Variants in DENND2A observed in about 807,000 individuals in gnomAD.
DENND2A encodes the protein DENN domain-containing protein 2A.
Under a neutral mutation model 105.3 loss-of-function variants are expected in DENND2A, and 53 were observed. That is an observed-to-expected ratio of 0.50 (90% CI 0.40 to 0.63). The LOEUF (loss-of-function observed/expected upper bound fraction) is 0.63, where lower values mean the gene tolerates loss of function less well. DENND2A is among the 30% of genes least tolerant of loss of function. The pLI, the probability that DENND2A is intolerant of heterozygous loss-of-function variation, is 0.00. For synonymous variants in DENND2A, 522 were observed against 508.4 expected, an observed-to-expected ratio of 1.03 and a Z score of -0.36; for missense variants, 1,138 against 1,279.6, an observed-to-expected ratio of 0.89 and a Z score of 1.69.
In DENND2A at chr7:140,563,553, T is replaced by G. The variant is rs376166859; in HGVS notation, c.1779+3533A>C. On this transcript the variant is annotated intron_variant, in intron 9 of 19. Coordinates refer to ENST00000496613, the MANE Select transcript of DENND2A (RefSeq NM_015689.5). ...GAGGGATAAAACCCACAAAAAAAGT[T>G]TAAAAAGAGAAGAGAGAGAAGGAGG... Among the ~76,000 whole-genome samples the G allele has an allele frequency of 1.7e-4, 25 of 150,824 alleles. No homozygotes were observed. The East Asian group carries it at 4.7e-3, about 28-fold the overall frequency.
intron 14 of DENND2A, among the ~76,000 whole-genome samples, chr7:140,531,055 C>G (rs1304126889): frequency 6.6e-6 from 1 of 152,186 alleles, no homozygotes; most frequent in Non-Finnish European, 1.5e-5. Context: ...TTCGAAGGAT[C>G]TAGATCTACA....
chr7:140,635,978 T>C (rs1420023362), intron 1 of DENND2A, among the ~76,000 whole-genome samples: 1 of 152,330 alleles, frequency 6.6e-6, no homozygotes, highest in Admixed American at 6.5e-5. Context: ...GCTCATCACT[T>C]GCCCTAGTTC....
chr7:140,617,046 T>TG (rs1021567301), intron 1 of DENND2A, among the ~76,000 whole-genome samples: 1 of 152,154 alleles, frequency 6.6e-6, no homozygotes, highest in Non-Finnish European at 1.5e-5. Context: ...TTAGTAGAGA[T>TG]GGGGTTTCAC....
Position 140,585,616 on chromosome 7 carries a change from G to C in DENND2A, c.1218C>G (p.Thr406=), listed in dbSNP as rs1406235839. ...KCVLNFPASP[T]SSIPDTLTKQ... ...TGGTGAGTGTGTCAGGGATGGAAGAGGTGGGAGAAGCAGGAAAATTCAAGA... is the reference window on the plus strand; with the variant it reads ...TGGTGAGTGTGTCAGGGATGGAAGACGTGGGAGAAGCAGGAAAATTCAAGA... Residue 406 remains threonine, a synonymous_variant, in exon 5 of 20, where the codon ACC becomes ACG. Coordinates refer to ENST00000496613, the MANE Select transcript of DENND2A (RefSeq NM_015689.5). 1 of 1,614,002 alleles carries C rather than the reference G, an allele frequency of 6.2e-7. No homozygotes were observed. The highest frequency in any genetic ancestry group is 8.5e-7 in the Non-Finnish European group (1 of 1,180,040).
chr7:140,531,520 C>A (rs868702243), intron 14 of DENND2A, among the ~76,000 whole-genome samples: 2 of 152,062 alleles, frequency 1.3e-5, no homozygotes, highest in African/African-American at 4.8e-5. Flanking sequence ...GTGTGTGAGC[C>A]GGGTGCGGTG....
In DENND2A at chr7:140,546,847, C is replaced by T; in HGVS notation, c.2130G>A (p.Leu710=). ...RSVMEAPFPA[L]GKTILVKNFL... ...AGTTCTTGACAAGGATGGTTTTGCC[C>T]AGGGCTGGGAAAGGGGCTTCCATGA... Residue 710 remains leucine (L), a synonymous_variant, in exon 13 of 20, where the codon CTG becomes CTA. Coordinates refer to ENST00000496613, the MANE Select transcript of DENND2A (RefSeq NM_015689.5). 6.2e-7 allele frequency: 1 copy of T among 1,614,144 alleles called. No individual in the cohort carries two copies. The highest frequency in any genetic ancestry group is 2.2e-5 in the East Asian group (1 of 44,886).
intron 1 of DENND2A, among the ~76,000 whole-genome samples, chr7:140,623,277 C>CTGT (rs1563184243): frequency 7.0e-6 from 1 of 142,274 alleles, no homozygotes; most frequent in African/African-American, 2.6e-5. Flanking sequence ...ATCATGCCAC[C>CTGT]GCACTCCAGC....
At chr7:140,567,953 T>G (rs1797932684) in intron 8 of DENND2A, among the ~76,000 whole-genome samples, 1 of 152,184 alleles carries the variant, frequency 6.6e-6, no homozygotes, top group Admixed American at 6.5e-5. Context: ...TTGCTTTCTT[T>G]TTTTTGAGAT....
chr7:140,625,582 T>C (rs576969547), intron 1 of DENND2A, among the ~76,000 whole-genome samples: 1 of 152,224 alleles, frequency 6.6e-6, no homozygotes, highest in Non-Finnish European at 1.5e-5. Flanking sequence ...CTGTGGATGC[T>C]GAGGCAGGAG....
At chr7:140,613,695 T>A (rs1001985549) in intron 1 of DENND2A, among the ~76,000 whole-genome samples, 5 of 147,776 alleles carry the variant, frequency 3.4e-5, no homozygotes, top group Admixed American at 6.7e-5. Context: ...AACAAAAAAC[T>A]ACAGCTTAGA....
chr7:140,556,745 G>A (rs1166516945), intron 11 of DENND2A, among the ~76,000 whole-genome samples: 1 of 152,124 alleles, frequency 6.6e-6, no homozygotes, highest in Non-Finnish European at 1.5e-5. Flanking sequence ...TTCAAAAAAT[G>A]TTTCTTGAAC....
chr7:140,576,840 A>C (rs1248246069), intron 5 of DENND2A, among the ~76,000 whole-genome samples: 1 of 152,208 alleles, frequency 6.6e-6, no homozygotes, highest in Admixed American at 6.6e-5. Context: ...AATTCCATCT[A>C]CAATAAAATC....
At chr7:140,619,500 CTTTTT>C (rs57839820) in intron 1 of DENND2A, among the ~76,000 whole-genome samples, 3 of 144,904 alleles carry the variant, frequency 2.1e-5, no homozygotes, top group Non-Finnish European at 4.6e-5. Context: ...AAACTCTGCA[CTTTTT>C]TTTTTTTTGA....
At position 140,554,367 on chromosome 7, in the gene DENND2A, C is replaced by T. The variant is rs111364978; in HGVS notation, c.2037+1269G>A. 6.6e-4 allele frequency among the ~76,000 whole-genome samples: 100 copies of T among 152,152 alleles called. 3 individuals are homozygous for T. Among genetic ancestry groups the T allele is most frequent in the Non-Finnish European group, 4.4e-4 (30 of 68,012 alleles). Reference sequence around the variant, plus strand: ...ATAAATTTATGAATTAGGCCAGACGCGGTGGCTCACGCCTATAATCCCAGC... The same window carrying T: ...ATAAATTTATGAATTAGGCCAGACGTGGTGGCTCACGCCTATAATCCCAGC... On this transcript the variant is annotated intron_variant, in intron 12 of 19. Transcript: ENST00000496613.
At chr7:140,539,758 G>A (rs891839339) in intron 14 of DENND2A, among the ~76,000 whole-genome samples, 3 of 152,238 alleles carry the variant, frequency 2.0e-5, no homozygotes, top group South Asian at 2.1e-4. Context: ...CGTCGCTGCC[G>A]TCATCCTCAT....
chr7:140,569,070 G>A (rs538130193), intron 7 of DENND2A, among the ~76,000 whole-genome samples: 46 of 152,154 alleles, frequency 3.0e-4, no homozygotes, highest in South Asian at 8.3e-4. Context: ...GACTACAGGT[G>A]TATGCCACCA....
Position 140,564,802 on chromosome 7 carries a change from G to A in DENND2A, c.1779+2284C>T, listed in dbSNP as rs780678270. On this transcript the variant is annotated intron_variant, in intron 9 of 19. Transcript: ENST00000496613. Reference sequence around the variant, plus strand: ...TACAACACTGATTAAGCATTGCCACGTGAACAGCATTGTGCTAGGCCCCAA... The same window carrying A: ...TACAACACTGATTAAGCATTGCCACATGAACAGCATTGTGCTAGGCCCCAA... Among the ~76,000 whole-genome samples the A allele has an allele frequency of 5.3e-5, 8 of 152,174 alleles. No individual in the cohort carries two copies. In the East Asian group the frequency reaches 5.8e-4, roughly 11 times the overall value.
chr7:140,544,838 T>G, intron 13 of DENND2A, 72 bp from the exon 14 acceptor site: 2 of 1,543,736 alleles, frequency 1.3e-6, no homozygotes, highest in Admixed American at 3.9e-5. Flanking sequence ...GGTGTCGCAG[T>G]CCCAGGGCTC....
chr7:140,518,717 T>C lies in DENND2A; in HGVS notation c.3020A>G (p.His1007Arg). The change falls in exon 20 of 20, where the codon CAC (histidine) becomes CGC (arginine). Residue 1007 changes from histidine (H) to arginine (R), a missense_variant. Physicochemically the swap from His to Arg is conservative, Grantham distance 29 (BLOSUM62 0). Transcript: ENST00000496613. Reference protein sequence around the residue: ...KGLGNKMKFLHKK With the variant: ...KGLGNKMKFLRKK ...CCTTGAGGCTGAGAGTTATTTCTTG[T>C]GGAGAAATTTCATTTTATTGCCTAA... The C allele has an allele frequency of 1.2e-6, 2 of 1,613,768 alleles. No homozygotes were observed. Among genetic ancestry groups the C allele is most frequent in the South Asian group, 1.1e-5 (1 of 91,058 alleles).
Sources: gnomAD v4.1 joint callset for allele counts (sites outside exome capture counted in the v4.1 genomes callset) on GRCh38, gnomAD v4.1.1 for gene constraint, MANE v1.5 for transcripts, NCBI Gene and HGNC (gene_info 2026-07-23, HGNC 2026-07-21) for gene names.